Variants in KIF14 observed in about 807,000 individuals in gnomAD.
The protein encoded by KIF14 is kinesin-like protein KIF14.
In KIF14, 98 loss-of-function variants were observed where a neutral mutation model predicts 176.2. The observed-to-expected ratio is 0.56, with a 90% CI of 0.47 to 0.66. The LOEUF (loss-of-function observed/expected upper bound fraction) is 0.66. Ranked by LOEUF, KIF14 falls within the 30% of genes least tolerant of loss-of-function variation. The pLI is 0.00. For missense variants in KIF14, 1,751 were observed against 1,920.4 expected (o/e 0.91, Z 1.65); for synonymous variants, 566 against 632.2 (o/e 0.90, Z 1.57).
At chr1:200,603,393 AT>A (rs1376087800) in intron 9 of KIF14, 52 bp from the exon 10 acceptor site, 1 of 831,348 alleles carries the variant, frequency 1.2e-6, no homozygotes. Flanking sequence ...TCAGCAAGAA[AT>A]TTATTTCACA....
chr1:200,580,223 A>C, intron 21 of KIF14, 31 bp downstream of exon 21: 1 of 1,188,184 alleles, frequency 8.4e-7, no homozygotes, highest in Non-Finnish European at 1.1e-6. Context: ...TATTTTAAAA[A>C]ATTTATAGAG....
chr1:200,587,870 C>T (rs1403803628), intron 18 of KIF14, among the ~76,000 whole-genome samples: 2 of 152,068 alleles, frequency 1.3e-5, no homozygotes, highest in Non-Finnish European at 2.9e-5. Context: ...TTAAACAGTT[C>T]TATGTTTTTC....
At chr1:200,605,431 T>C (rs763710817) in intron 7 of KIF14, 41 bp from the exon 8 acceptor site, 9 of 1,379,962 alleles carry the variant, frequency 6.5e-6, no homozygotes, top group Non-Finnish European at 9.2e-6. Context: ...CAGCAGACTG[T>C]AACTCAATGA....
chr1:200,560,638 C>G (rs1657088151), intron 26 of KIF14, 84 bp downstream of exon 26: 1 of 1,366,076 alleles, frequency 7.3e-7, no homozygotes, highest in African/African-American at 1.5e-5. Context: ...TTAAAAAGAA[C>G]TTGCCATGTT....
At chr1:200,580,193 C>A in intron 21 of KIF14, 61 bp downstream of exon 21, 1 of 901,970 alleles carries the variant, frequency 1.1e-6, no homozygotes, top group Non-Finnish European at 1.5e-6. Context: ...AAAGCAGGTA[C>A]TTGAACTTTT....
chr1:200,553,520 G>T lies in KIF14; in HGVS notation c.4815C>A (p.His1605Gln), dbSNP rs1368399951. The T allele has an allele frequency of 1.2e-6, 2 of 1,613,974 alleles. No individual in the cohort carries two copies. Among genetic ancestry groups the T allele is most frequent in the South Asian group, 2.2e-5 (2 of 91,074 alleles). Residue 1605 changes from histidine (H) to glutamine (Q), a missense_variant, in exon 30 of 30, where the codon CAC (histidine) becomes CAA (glutamine). His to Gln is a conservative substitution (Grantham distance 24). Transcript: ENST00000367350. ...ETYNQNTKEE[H>Q]QQSKSSGIDG... ...CAATCCCGCTTGATTTAGATTGTTG[G>T]TGTTCTTCTTTGGTATTTTGATTAT...
At chr1:200,589,096 T>C in intron 18 of KIF14, 121 bp downstream of exon 18, 2 of 714,854 alleles carry the variant, frequency 2.8e-6, no homozygotes, top group Non-Finnish European at 4.7e-6. Flanking sequence ...ACTTTTCTCA[T>C]CTACACATCT....
intron 25 of KIF14, among the ~76,000 whole-genome samples, chr1:200,562,253 T>C (rs1657205198): frequency 6.6e-6 from 1 of 152,238 alleles, no homozygotes; most frequent in Non-Finnish European, 1.5e-5. Flanking sequence ...TGATTCCTTG[T>C]ATAAGATTTC....
chr1:200,576,931 G>A (rs1160584897), intron 21 of KIF14, among the ~76,000 whole-genome samples: 1 of 151,502 alleles, frequency 6.6e-6, no homozygotes, highest in Non-Finnish European at 1.5e-5. Flanking sequence ...CCAGACTCAG[G>A]TAATCCTCTC....
chr1:200,554,060 G>C (rs1037659572), intron 29 of KIF14, among the ~76,000 whole-genome samples: 3 of 152,148 alleles, frequency 2.0e-5, no homozygotes, highest in African/African-American at 7.2e-5. Context: ...GTAGGCTTCA[G>C]TTAATGACTA....
intron 15 of KIF14, among the ~76,000 whole-genome samples, chr1:200,592,683 A>G (rs1659115480): frequency 1.3e-5 from 2 of 152,138 alleles, no homozygotes; most frequent in African/African-American, 2.4e-5. Flanking sequence ...CACATTACAC[A>G]TATAGTCATA....
rs766030658 is a variant in KIF14 at position 200,615,607 on chromosome 1, T to C, written c.1115A>G (p.Glu372Gly). ...TACCTGGGATGCTTTTTCAATCTTCTCTCTTGAAAGAAGCACAAAGAAAAA... is the reference window on the plus strand; with the variant it reads ...TACCTGGGATGCTTTTTCAATCTTCCCTCTTGAAAGAAGCACAAAGAAAAA... ...AVRVRPFTKR[E>G]KIEKASQVVF... Residue 372 changes from glutamate (E) to glycine (G), a missense_variant and splice_region_variant, in exon 3 of 30, where the codon GAG becomes GGG. Transcript: ENST00000367350. 1.7e-5 allele frequency: 27 copies of C among 1,604,482 alleles called. No homozygotes were observed. In the South Asian group the frequency reaches 2.8e-4, roughly 17 times the overall value.
rs114911216 is a variant in KIF14 at position 200,602,071 on chromosome 1, A to G, written c.1980-3T>C. Reference sequence around the variant, plus strand: ...CACCCAGACTTTCTTTTAACAGCCTACAAGAAAAAAAGTCATAAGACTTTG... The same window carrying G: ...CACCCAGACTTTCTTTTAACAGCCTGCAAGAAAAAAAGTCATAAGACTTTG... On this transcript the variant is annotated splice_region_variant and splice_polypyrimidine_tract_variant and intron_variant, in intron 10 of 29. Transcript: ENST00000367350. The G allele has an allele frequency of 0.03, 48,476 of 1,608,378 alleles. 843 individuals are homozygous for G. The highest frequency in any genetic ancestry group is 0.057 in the Middle Eastern group (346 of 6,048).
chr1:200,614,228 A>T, intron 4 of KIF14, 90 bp downstream of exon 4: 1 of 666,158 alleles, frequency 1.5e-6, no homozygotes, highest in South Asian at 1.9e-5. Flanking sequence ...ATCTTCCATT[A>T]AGTATTTCCT....
At chr1:200,573,510 T>A (rs2102624309) in intron 22 of KIF14, among the ~76,000 whole-genome samples, 1 of 142,938 alleles carries the variant, frequency 7.0e-6, no homozygotes, top group African/African-American at 2.7e-5. Flanking sequence ...CTCGGCTCAC[T>A]GCAAGCTCCT....
At chr1:200,575,840 A>C (rs1223824795) in intron 21 of KIF14, 149 bp from the exon 22 acceptor site, 1 of 415,552 alleles carries the variant, frequency 2.4e-6, no homozygotes, top group African/African-American at 2.0e-5. Context: ...ATCATTCCTG[A>C]TCAAATTAAA....
rs1274638036 is a variant in KIF14, at chr1:200,560,934, T to C, written c.4072-54A>G. On this transcript the variant is annotated intron_variant, in intron 25 of 29. Transcript: ENST00000367350. ...AGATACATGAGATTATAACAGGTGGTAAAGAAAAGATAAGGGCCGGGCACA... is the reference window on the plus strand; with the variant it reads ...AGATACATGAGATTATAACAGGTGGCAAAGAAAAGATAAGGGCCGGGCACA... 17 of 1,534,360 alleles carry C rather than the reference T, an allele frequency of 1.1e-5. No homozygotes were observed. In the African/African-American group the frequency reaches 2.2e-4, roughly 20 times the overall value.
intron 23 of KIF14, 56 bp downstream of exon 23, chr1:200,569,855 T>C (rs1657678371): frequency 2.2e-6 from 2 of 893,230 alleles, no homozygotes; most frequent in Non-Finnish European, 3.5e-6. Flanking sequence ...AATGTAATGG[T>C]AGAACCAGGA....
chr1:200,592,268 T>G (rs1431789175), intron 15 of KIF14, 28 bp from the exon 16 acceptor site: 1 of 1,585,414 alleles, frequency 6.3e-7, no homozygotes, highest in Admixed American at 1.9e-5. Context: ...ATGTACTACT[T>G]GAGGTGAGTC....
Sources: gnomAD v4.1 joint callset for allele counts (sites outside exome capture counted in the v4.1 genomes callset) on GRCh38, gnomAD v4.1.1 for gene constraint, MANE v1.5 for transcripts, NCBI Gene and HGNC (gene_info 2026-07-23, HGNC 2026-07-21) for gene names.